AUTS2: variants seen among roughly 807,000 people sequenced by gnomAD.
AUTS2 encodes the protein autism susceptibility gene 2 protein.
In AUTS2, 17 loss-of-function variants were observed where a neutral mutation model predicts 112.4. That is an observed-to-expected ratio of 0.15 (90% CI 0.10 to 0.23). The LOEUF is 0.23. Ranked by LOEUF, AUTS2 falls within the 10% of genes least tolerant of loss-of-function variation. The pLI is 1.00. For missense variants in AUTS2, 1,510 were observed against 1,701.6 expected (o/e 0.89, Z 1.98); for synonymous variants, 751 against 702.7 (o/e 1.07, Z -1.09).
At chr7:69,899,650 G>A in intron 2 of AUTS2, 152 bp downstream of exon 2, 1 of 714,558 alleles carries the variant, frequency 1.4e-6, no homozygotes, top group Non-Finnish European at 2.3e-6. Context: ...GCCTTTAAAA[G>A]AATCTAAAAC....
chr7:70,659,183 G>T (rs1358787034), intron 5 of AUTS2, among the ~76,000 whole-genome samples: 1 of 152,180 alleles, frequency 6.6e-6, no homozygotes. Flanking sequence ...AGGTAGGCAT[G>T]GACAGTGAGG....
intron 1 of AUTS2, among the ~76,000 whole-genome samples, chr7:69,814,050 C>T (rs1790654557): frequency 6.6e-6 from 1 of 152,180 alleles, no homozygotes; most frequent in South Asian, 2.1e-4. Flanking sequence ...CAGTTTACAT[C>T]CTCAGAGTAA....
intron 1 of AUTS2, among the ~76,000 whole-genome samples, chr7:69,625,478 T>G (rs1416936886): frequency 6.6e-6 from 1 of 152,124 alleles, no homozygotes; most frequent in Non-Finnish European, 1.5e-5. Flanking sequence ...TGGTGCTGAC[T>G]GGTTTCCTTT....
chr7:69,837,150 T>G (rs1006170386), intron 1 of AUTS2, among the ~76,000 whole-genome samples: 2 of 152,132 alleles, frequency 1.3e-5, no homozygotes, highest in East Asian at 3.9e-4. Context: ...AGTTTCTTAT[T>G]TGAAAATGAG....
At chr7:70,751,030 G>T (rs957603862) in intron 6 of AUTS2, among the ~76,000 whole-genome samples, 1 of 152,160 alleles carries the variant, frequency 6.6e-6, no homozygotes, top group South Asian at 2.1e-4. Context: ...CTTGTTCCAT[G>T]GCCCCATTAT....
intron 5 of AUTS2, among the ~76,000 whole-genome samples, chr7:70,481,505 C>G (rs1238255957): frequency 6.6e-6 from 1 of 152,194 alleles, no homozygotes; most frequent in Non-Finnish European, 1.5e-5. Flanking sequence ...GTCATTTACC[C>G]AGGCTTCCTA....
intron 5 of AUTS2, among the ~76,000 whole-genome samples, chr7:70,624,922 G>C (rs1019980249): frequency 1.3e-5 from 2 of 152,150 alleles, no homozygotes; most frequent in African/African-American, 4.8e-5. Flanking sequence ...GCCAGTGAGA[G>C]AGAATTTTGT....
At chr7:69,870,448 A>AATATATATATAT (rs11467258) in intron 1 of AUTS2, among the ~76,000 whole-genome samples, 8,516 of 78,916 alleles carry the variant, frequency 0.11, 861 homozygotes, top group Middle Eastern at 0.25. Context: ...ATGTGTGTGT[A>AATATATATATAT]ATATATATAT....
chr7:69,767,057 G>T (rs898037079), intron 1 of AUTS2, among the ~76,000 whole-genome samples: 2 of 152,234 alleles, frequency 1.3e-5, no homozygotes, highest in Admixed American at 6.5e-5. Flanking sequence ...CATAGGTCGC[G>T]CATGTGCGCA....
At chr7:70,270,050 A>G (rs1235582404) in intron 4 of AUTS2, among the ~76,000 whole-genome samples, 1 of 152,142 alleles carries the variant, frequency 6.6e-6, no homozygotes, top group East Asian at 1.9e-4. Flanking sequence ...AAAAAAACAA[A>G]CAAAAACAGA....
At chr7:70,541,898 A>G (rs1800567231) in intron 5 of AUTS2, among the ~76,000 whole-genome samples, 1 of 152,214 alleles carries the variant, frequency 6.6e-6, no homozygotes, top group African/African-American at 2.4e-5. Context: ...AAGGTGACAA[A>G]AAGCACGGTG....
chr7:70,276,178 A>G (rs1381849786), intron 4 of AUTS2, among the ~76,000 whole-genome samples: 1 of 152,198 alleles, frequency 6.6e-6, no homozygotes, highest in Non-Finnish European at 1.5e-5. Context: ...TAGAGATACA[A>G]ATAGCTCAGA....
At chr7:70,103,981 A>T (rs541408622) in intron 2 of AUTS2, among the ~76,000 whole-genome samples, 2 of 152,086 alleles carry the variant, frequency 1.3e-5, no homozygotes, top group South Asian at 4.2e-4. Flanking sequence ...CATTATTATC[A>T]CAAAAATGAA....
At chr7:70,156,832 G>A (rs1397501123) in intron 4 of AUTS2, among the ~76,000 whole-genome samples, 7 of 140,236 alleles carry the variant, frequency 5.0e-5, no homozygotes, top group Admixed American at 7.7e-5. Context: ...GGTGGATCAC[G>A]AGGTCAGGAG....
At chr7:70,101,018 T>A (rs1202657224) in intron 2 of AUTS2, among the ~76,000 whole-genome samples, 1 of 151,976 alleles carries the variant, frequency 6.6e-6, no homozygotes, top group Admixed American at 6.6e-5. Context: ...GCTGGGACTA[T>A]AGGCGCACAC....
chr7:70,357,122 T>C (rs1251211450), intron 4 of AUTS2, among the ~76,000 whole-genome samples: 1 of 152,178 alleles, frequency 6.6e-6, no homozygotes, highest in Non-Finnish European at 1.5e-5. Flanking sequence ...GGCCAACATT[T>C]GTAACTGGAG....
intron 5 of AUTS2, among the ~76,000 whole-genome samples, chr7:70,496,323 C>G (rs1344623174): frequency 3.1e-5 from 4 of 128,120 alleles, no homozygotes; most frequent in African/African-American, 3.3e-5. Context: ...TACACAGTCA[C>G]ACACACGCAC....
At chr7:69,856,178 A>G (rs533839577) in intron 1 of AUTS2, among the ~76,000 whole-genome samples, 48 of 152,172 alleles carry the variant, frequency 3.2e-4, no homozygotes, top group Admixed American at 2.9e-3. Flanking sequence ...TTAACTGAGT[A>G]CTTTAGAAAT....
chr7:69,836,734 G>A (rs1008905444), intron 1 of AUTS2, among the ~76,000 whole-genome samples: 6 of 152,104 alleles, frequency 3.9e-5, no homozygotes, highest in Non-Finnish European at 8.8e-5. Context: ...CTTAAACTCT[G>A]TTTCAGTCCA....
Sources: allele counts gnomAD v4.1 joint callset (sites outside exome capture counted in the v4.1 genomes callset), GRCh38; gene constraint gnomAD v4.1.1; transcripts MANE v1.5; gene names NCBI Gene and HGNC (gene_info 2026-07-23, HGNC 2026-07-21).